The following TNKS variants were observed in gnomAD, a reference collection of about 807,000 sequenced individuals.
The protein encoded by TNKS is poly [ADP-ribose] polymerase tankyrase-1.
TNKS carries 72 observed loss-of-function variants against 135.8 expected under a neutral mutation model. That is an observed-to-expected ratio of 0.53 (90% CI 0.44 to 0.64). The LOEUF (loss-of-function observed/expected upper bound fraction) is 0.64. TNKS is among the 30% of genes least tolerant of loss of function. The probability of loss-of-function intolerance (pLI) is 0.00; values close to 1 mark genes in which losing one functional copy is unlikely to be tolerated. For missense variants in TNKS, 1,769 were observed against 1,674.0 expected, an observed-to-expected ratio of 1.06 and a Z score of -0.99; for synonymous variants, 849 against 649.3, an observed-to-expected ratio of 1.31 and a Z score of -4.68.
Position 9,710,140 on chromosome 8 carries a change from A to G in TNKS, c.1671-2A>G. 6.2e-7 allele frequency: 1 copy of G among 1,614,066 alleles called. No homozygotes were observed. The highest frequency in any genetic ancestry group is 8.5e-7 in the Non-Finnish European group (1 of 1,179,948). On this transcript the variant is annotated splice_acceptor_variant, in intron 10 of 26. Coordinates refer to ENST00000310430, the MANE Select transcript of TNKS (RefSeq NM_003747.3). LOFTEE classifies it high-confidence loss of function. The stretch of plus-strand genomic sequence containing the variant: ...CTTTTCTTTCTTTCCTCTTTTCTGT[A>G]GTTTCATGACTCCCCTGCATGTTGC...
rs975226626 is a variant in TNKS at position 9,777,021 on chromosome 8, A to C, written c.*285A>C. The C allele has an allele frequency of 3.2e-5, 12 of 375,338 alleles. No individual in the cohort carries two copies. The highest frequency in any genetic ancestry group is 1.4e-4 in the East Asian group (3 of 21,816). 23.3% of individuals were successfully genotyped at this position (375,338 alleles called of 1,614,324 possible). On this transcript the variant is annotated 3_prime_UTR_variant, in exon 27 of 27. Coordinates refer to ENST00000310430, the MANE Select transcript of TNKS (RefSeq NM_003747.3). ...TTCTAAAACAAGATTGCTTCGATCT[A>C]GACTTGGAAATGGAAAATAAGAAAA...
At chr8:9,655,682 C>T (rs1411947027) in intron 3 of TNKS, among the ~76,000 whole-genome samples, 1 of 152,180 alleles carries the variant, frequency 6.6e-6, no homozygotes, top group Non-Finnish European at 1.5e-5. Context: ...AGCTGAGGGT[C>T]CTGACTGTTA....
At chr8:9,596,923 C>T (rs564401239) in intron 2 of TNKS, among the ~76,000 whole-genome samples, 41 of 152,280 alleles carry the variant, frequency 2.7e-4, no homozygotes, top group Admixed American at 3.9e-4. Context: ...ATTTTTCAAG[C>T]GTTCCCACAG....
intron 3 of TNKS, among the ~76,000 whole-genome samples, chr8:9,670,432 T>C (rs1295340596): frequency 6.6e-6 from 1 of 152,200 alleles, no homozygotes; most frequent in Non-Finnish European, 1.5e-5. Flanking sequence ...ATCAGCTGTT[T>C]ATATTAATTT....
intron 25 of TNKS, among the ~76,000 whole-genome samples, chr8:9,768,970 C>T (rs1013940502): frequency 6.6e-6 from 1 of 152,164 alleles, no homozygotes; most frequent in Non-Finnish European, 1.5e-5. Context: ...GCTTATACTC[C>T]ATTACTAAAA....
chr8:9,576,053 T>C (rs1178061758), intron 1 of TNKS, among the ~76,000 whole-genome samples: 1 of 152,142 alleles, frequency 6.6e-6, no homozygotes, highest in Non-Finnish European at 1.5e-5. Context: ...GAGAAACATA[T>C]TTCCAGAAGC....
chr8:9,620,320 C>T (rs180675387), intron 3 of TNKS, among the ~76,000 whole-genome samples: 36 of 152,248 alleles, frequency 2.4e-4, no homozygotes, highest in African/African-American at 7.5e-4. Flanking sequence ...TTCAAATTCC[C>T]AATCTGACCG....
chr8:9,616,510 C>T (rs957304521), intron 3 of TNKS, among the ~76,000 whole-genome samples: 1 of 152,154 alleles, frequency 6.6e-6, no homozygotes, highest in African/African-American at 2.4e-5. Flanking sequence ...TTTTAACTAC[C>T]TTTTAAATTT....
At chr8:9,769,132 C>T (rs935891992) in intron 25 of TNKS, among the ~76,000 whole-genome samples, 1 of 152,200 alleles carries the variant, frequency 6.6e-6, no homozygotes, top group African/African-American at 2.4e-5. Flanking sequence ...CATACAATCC[C>T]TGTCACAGTA....
At chr8:9,708,058 A>G (rs1326365679) in intron 8 of TNKS, among the ~76,000 whole-genome samples, 1 of 152,212 alleles carries the variant, frequency 6.6e-6, no homozygotes, top group Non-Finnish European at 1.5e-5. Context: ...ATATGTGCAC[A>G]CAAATTATTT....
At chr8:9,571,603 G>A (rs1797760682) in intron 1 of TNKS, among the ~76,000 whole-genome samples, 1 of 152,064 alleles carries the variant, frequency 6.6e-6, no homozygotes, top group African/African-American at 2.4e-5. Flanking sequence ...GACTACAGGT[G>A]CCCACCACCA....
intron 1 of TNKS, among the ~76,000 whole-genome samples, chr8:9,577,022 G>C (rs1429555399): frequency 6.6e-6 from 1 of 152,110 alleles, no homozygotes; most frequent in African/African-American, 2.4e-5. Flanking sequence ...GAGGGGACTA[G>C]GATTGAGGGT....
chr8:9,557,362 AGT>A (rs1815366794), intron 1 of TNKS: 1 of 150,608 alleles, frequency 6.6e-6, no homozygotes, highest in Admixed American at 6.6e-5. Context: ...TCCCTCAAAA[AGT>A]GTGAATTTCT....
chr8:9,605,353 T>C (rs1384436998), intron 2 of TNKS, among the ~76,000 whole-genome samples: 1 of 152,130 alleles, frequency 6.6e-6, no homozygotes, highest in Non-Finnish European at 1.5e-5. Flanking sequence ...TTTTTATTGC[T>C]GAGTAGTATT....
chr8:9,667,316 C>G (rs1048395021), intron 3 of TNKS, among the ~76,000 whole-genome samples: 1 of 152,208 alleles, frequency 6.6e-6, no homozygotes. Context: ...TCTCAGAACT[C>G]TCAGGATATA....
intron 2 of TNKS, among the ~76,000 whole-genome samples, chr8:9,612,158 C>T (rs1799486802): frequency 6.6e-6 from 1 of 151,992 alleles, no homozygotes; most frequent in South Asian, 2.1e-4. Flanking sequence ...TCTTGTGTGC[C>T]CTGGCTCAGT....
Position 9,751,782 on chromosome 8 carries a change from G to C in TNKS, c.3006G>C (p.Leu1002Phe). ...IDNLTGPLAE[L>F]AVGGASNAGD... ...ACCTCACTGGCCCTTTAGCAGAGTT[G>C]GCCGTAGGAGGAGCCTCCAATGCAG... The change falls in exon 19 of 27, where the codon TTG (leucine) becomes TTC (phenylalanine). Residue 1002 changes from leucine to phenylalanine, a missense_variant. Leu to Phe is a conservative substitution (Grantham distance 22). Coordinates refer to ENST00000310430, the MANE Select transcript of TNKS (RefSeq NM_003747.3). The C allele has an allele frequency of 6.2e-7, 1 of 1,614,152 alleles. No individual in the cohort carries two copies. Among genetic ancestry groups the C allele is most frequent in the Non-Finnish European group, 8.5e-7 (1 of 1,180,020 alleles).
At chr8:9,675,341 A>G (rs1005610602) in intron 3 of TNKS, among the ~76,000 whole-genome samples, 2 of 152,222 alleles carry the variant, frequency 1.3e-5, no homozygotes, top group Non-Finnish European at 2.9e-5. Flanking sequence ...TATCAGTGTT[A>G]TCAATTCATG....
intron 2 of TNKS, among the ~76,000 whole-genome samples, chr8:9,593,330 A>G (rs550866921): frequency 6.6e-6 from 1 of 152,368 alleles, no homozygotes; most frequent in African/African-American, 2.4e-5. Flanking sequence ...ACTTTGCCAC[A>G]GTCTGTAGAG....
Sources: gnomAD v4.1 joint callset for allele counts (sites outside exome capture counted in the v4.1 genomes callset) on GRCh38, gnomAD v4.1.1 for gene constraint, MANE v1.5 for transcripts, NCBI Gene and HGNC (gene_info 2026-07-23, HGNC 2026-07-21) for gene names.